The following RYR3 variants were observed in gnomAD, a reference collection of about 807,000 sequenced individuals.
RYR3 encodes the protein ryanodine receptor 3.
In RYR3, 207 loss-of-function variants were observed where a neutral mutation model predicts 584.3. The observed-to-expected ratio is 0.35, with a 90% confidence interval of 0.32 to 0.40. The LOEUF is 0.40. Ranked by LOEUF, RYR3 falls within the 10% of genes least tolerant of loss-of-function variation. RYR3 has a pLI of 1.00. For synonymous variants in RYR3, 2,416 were observed against 2,248.5 expected (o/e 1.07, Z -2.11); for missense variants, 5,616 against 6,089.2 (o/e 0.92, Z 2.59).
intron 52 of RYR3, among the ~76,000 whole-genome samples, chr15:33,744,699 C>T (rs2070505384): frequency 6.6e-6 from 1 of 152,188 alleles, no homozygotes; most frequent in Admixed American, 6.5e-5. Flanking sequence ...GCCTTGGGAA[C>T]AGCAGGTGCA....
At chr15:33,548,039 G>C in intron 8 of RYR3, 91 bp from the exon 9 acceptor site, 7 of 863,236 alleles carry the variant, frequency 8.1e-6, no homozygotes, top group Non-Finnish European at 9.6e-6. Flanking sequence ...GACAAGCTCA[G>C]TACCTGAACA....
Position 33,838,556 on chromosome 15 carries a change from C to T in RYR3, c.12576C>T (p.Phe4192=), listed in dbSNP as rs780129244. The change falls in exon 89 of 104, where the codon TTC becomes TTT. Residue 4192 remains phenylalanine, a synonymous_variant. Coordinates refer to ENST00000634891, the MANE Select transcript of RYR3 (RefSeq NM_001036.6). ...KVLFSFFWML[F]VGLFQLLFTI... Reference sequence around the variant, plus strand: ...TCTTCTCCTTTTTCTGGATGCTGTTCGTGGGGCTATTCCAGTTGCTCTTCA... The same window carrying T: ...TCTTCTCCTTTTTCTGGATGCTGTTTGTGGGGCTATTCCAGTTGCTCTTCA... 28 of 1,613,708 alleles carry T rather than the reference C, an allele frequency of 1.7e-5. No homozygotes were observed. Among genetic ancestry groups the T allele is most frequent in the South Asian group, 1.5e-4 (14 of 91,056 alleles).
Position 33,711,813 on chromosome 15 carries a change from A to T in RYR3, c.6619+4759A>T, listed in dbSNP as rs551181858. Among the ~76,000 whole-genome samples the T allele has an allele frequency of 3.9e-5, 6 of 152,254 alleles. No homozygotes were observed. In the South Asian group the frequency reaches 1.0e-3, roughly 26 times the overall value. ...TCCAAGAAGTTCCAAACTTTCTATC[A>T]TCTTCTTCTGAGCCCTACAAACACT... On this transcript the variant is annotated intron_variant, in intron 43 of 103. Coordinates refer to ENST00000634891, the MANE Select transcript of RYR3 (RefSeq NM_001036.6).
At chr15:33,752,166 T>A (rs1249887603) in intron 57 of RYR3, among the ~76,000 whole-genome samples, 1 of 152,234 alleles carries the variant, frequency 6.6e-6, no homozygotes, top group Admixed American at 6.5e-5. Flanking sequence ...GGTAGCGTGA[T>A]GGCTCCAGCT....
Position 33,670,527 on chromosome 15 carries a change from A to G in RYR3, c.5831A>G (p.Gln1944Arg), listed in dbSNP as rs372611308. The G allele has an allele frequency of 3.1e-6, 5 of 1,597,748 alleles. No homozygotes were observed. In the African/African-American group the frequency reaches 5.4e-5, roughly 17 times the overall value. Residue 1944 changes from glutamine to arginine, a missense_variant, in exon 38 of 104, where the codon CAG (glutamine) becomes CGG (arginine). Physicochemically the swap from Gln to Arg is conservative, Grantham distance 43. Coordinates refer to ENST00000634891, the MANE Select transcript of RYR3 (RefSeq NM_001036.6). ...IKGPPKPEKE[Q>R]PTEEEERCPT... is the part of the protein sequence containing the mutation. ...GGCCCACCCAAGCCAGAGAAGGAGC[A>G]GCCGACGGAGGAGGAGGAGAGATGC...
chr15:33,850,787 G>C (rs560040102), intron 94 of RYR3: 1 of 152,004 alleles, frequency 6.6e-6, no homozygotes, highest in Non-Finnish European at 1.5e-5. Flanking sequence ...AAAATCCCCT[G>C]TATTATCCTC....
At chr15:33,628,334 T>G (rs1180199597) in intron 20 of RYR3, 137 bp from the exon 21 acceptor site, 1 of 606,204 alleles carries the variant, frequency 1.6e-6, no homozygotes, top group Non-Finnish European at 3.0e-6. Context: ...GGGGAGCATG[T>G]GGGTCAGGCA....
At chr15:33,722,482 G>A in intron 43 of RYR3, 1 of 541,158 alleles carries the variant, frequency 1.8e-6, no homozygotes, top group South Asian at 2.6e-5. Context: ...CTAATCTCAA[G>A]AGTAGATGAG....
chr15:33,853,217 C>A, intron 95 of RYR3, 130 bp downstream of exon 95: 2 of 941,310 alleles, frequency 2.1e-6, no homozygotes, highest in Non-Finnish European at 3.1e-6. Context: ...AAGAGTAAGT[C>A]ACAGAAGGGG....
rs1454265763 is a variant in RYR3 at position 33,857,868 on chromosome 15, G to C, written c.14096G>C (p.Ser4699Thr). 6.2e-7 allele frequency: 1 copy of C among 1,614,024 alleles called. No homozygotes were observed. The highest frequency in any genetic ancestry group is 8.5e-7 in the Non-Finnish European group (1 of 1,180,028). The change falls in exon 99 of 104, where the codon AGC (serine) becomes ACC (threonine). Residue 4699 changes from serine (S) to threonine (T), a missense_variant. This residue lies in a region of RYR3 where 918 missense variants were observed against 887.4 expected (regional missense o/e 1.03). Coordinates refer to ENST00000634891, the MANE Select transcript of RYR3 (RefSeq NM_001036.6). ...FNFFRKFYNK[S>T]EDDDEPDMKC... is the part of the protein sequence containing the mutation. The stretch of plus-strand genomic sequence containing the variant: ...TTCTTCCGCAAGTTCTACAACAAAA[G>C]CGAAGACGATGACGAGCCCGATATG...
intron 34 of RYR3, among the ~76,000 whole-genome samples, chr15:33,660,981 A>G (rs1019366786): frequency 2.6e-4 from 40 of 152,232 alleles, no homozygotes; most frequent in Non-Finnish European, 8.8e-5. Flanking sequence ...CAGTTTCTGT[A>G]CATAGTAAGA....
intron 94 of RYR3, chr15:33,848,902 C>G (rs141239089): frequency 0.023 from 3,135 of 136,492 alleles, 111 homozygotes; most frequent in African/African-American, 0.083. Flanking sequence ...GTGGCGCGAT[C>G]TCAGCTCACT....
At chr15:33,383,931 T>TA (rs990095772) in intron 1 of RYR3, among the ~76,000 whole-genome samples, 7 of 152,168 alleles carry the variant, frequency 4.6e-5, no homozygotes, top group Non-Finnish European at 7.4e-5. Context: ...TATGCAGCCA[T>TA]AAAAAAGCAC....
rs200704038 is a variant in RYR3, at chr15:33,865,340, TA to T, written c.*124del. 978 of 618,056 alleles carry T rather than the reference TA, an allele frequency of 1.6e-3. 1 individual carries two copies. Among genetic ancestry groups the T allele is most frequent in the South Asian group, 2.9e-3 (122 of 41,374 alleles). The allele number at this position is 618,056 out of a possible 1,614,324, so 38.3% of individuals were successfully genotyped here. Reference sequence around the variant, plus strand: ...TGTGACATTTTCTAAATGCCTCCCTTAAAAAAAAAACTGCTGAAAATCTGTG... The same window carrying T: ...TGTGACATTTTCTAAATGCCTCCCTTAAAAAAAAACTGCTGAAAATCTGTG... On this transcript the variant is annotated 3_prime_UTR_variant, in exon 104 of 104. Transcript: ENST00000634891.
chr15:33,522,569 A>G (rs559749870), intron 3 of RYR3, among the ~76,000 whole-genome samples: 1 of 152,284 alleles, frequency 6.6e-6, no homozygotes, highest in East Asian at 1.9e-4. Flanking sequence ...AGTGCTTTAT[A>G]CTCCAAGGTT....
intron 1 of RYR3, among the ~76,000 whole-genome samples, chr15:33,400,388 T>G (rs902272724): frequency 2.0e-5 from 3 of 152,198 alleles, no homozygotes; most frequent in African/African-American, 7.2e-5. Context: ...ACACACACTA[T>G]AGGCTGCTGT....
intron 12 of RYR3, among the ~76,000 whole-genome samples, chr15:33,572,826 T>C (rs1191791719): frequency 6.6e-6 from 1 of 151,606 alleles, no homozygotes; most frequent in Non-Finnish European, 1.5e-5. Context: ...AATACAAAAA[T>C]AGCCGGGCAT....
intron 1 of RYR3, among the ~76,000 whole-genome samples, chr15:33,319,144 C>T (rs996480068): frequency 6.6e-6 from 1 of 152,196 alleles, no homozygotes; most frequent in African/African-American, 2.4e-5. Context: ...GAGAGCTAGT[C>T]AGCGGGACTA....
At position 33,431,922 on chromosome 15, in the gene RYR3, C is replaced by T. The variant is rs78082886; in HGVS notation, c.52-41497C>T. 4.1e-4 allele frequency among the ~76,000 whole-genome samples: 63 copies of T among 152,258 alleles called. 1 individual carries two copies. The East Asian group carries it at 0.011, about 26-fold the overall frequency. On this transcript the variant is annotated intron_variant, in intron 1 of 103. Coordinates refer to ENST00000634891, the MANE Select transcript of RYR3 (RefSeq NM_001036.6). Reference sequence around the variant, plus strand: ...CTGGGTAGTTTGTGGGGCCAGGAGACGTTTTTGCATCATCAAGTAATCTGT... The same window carrying T: ...CTGGGTAGTTTGTGGGGCCAGGAGATGTTTTTGCATCATCAAGTAATCTGT...
Sources: allele counts gnomAD v4.1 joint callset (sites outside exome capture counted in the v4.1 genomes callset), GRCh38; gene constraint gnomAD v4.1.1; regional missense constraint gnomAD v4.1.1; transcripts MANE v1.5; gene names NCBI Gene and HGNC (gene_info 2026-07-23, HGNC 2026-07-21).